SPATA22: variants seen among roughly 807,000 people sequenced by gnomAD.
The protein encoded by SPATA22 is spermatogenesis-associated protein 22.
A neutral mutation model predicts 47.8 loss-of-function variants in SPATA22; 29 were observed. The observed-to-expected ratio is 0.61, with a 90% confidence interval of 0.45 to 0.83. The LOEUF (loss-of-function observed/expected upper bound fraction) is 0.83. SPATA22 is among the 40% of genes least tolerant of loss of function. The pLI is 0.00. For missense variants in SPATA22, 410 were observed against 421.7 expected, an observed-to-expected ratio of 0.97 and a Z score of 0.24; for synonymous variants, 133 against 140.9, an observed-to-expected ratio of 0.94 and a Z score of 0.40.
rs2150748578 is a variant in SPATA22 at position 3,483,494 on chromosome 17, T to C, written c.-73-14096A>G. On this transcript the variant is annotated intron_variant, in intron 1 of 8. Coordinates refer to the SPATA22 transcript ENST00000541913. The stretch of plus-strand genomic sequence containing the variant: ...CCTAAGAAAGACGTTTTTGATTTTT[T>C]TCAGACTTCTCTGGCTCCACTACCC... 1.2e-6 allele frequency: 2 copies of C among 1,613,722 alleles called. No individual in the cohort carries two copies. Among genetic ancestry groups the C allele is most frequent in the Non-Finnish European group, 1.7e-6 (2 of 1,179,678 alleles).
intron 1 of SPATA22, among the ~76,000 whole-genome samples, chr17:3,487,505 C>T (rs980408941): frequency 6.6e-6 from 1 of 152,106 alleles, no homozygotes; most frequent in Non-Finnish European, 1.5e-5. Context: ...ATATCATAGC[C>T]TAAGATTGAT....
intron 1 of SPATA22, among the ~76,000 whole-genome samples, chr17:3,493,421 C>T (rs2073856621): frequency 6.6e-6 from 1 of 151,782 alleles, no homozygotes; most frequent in Non-Finnish European, 1.5e-5. Context: ...ATTAGCCGGG[C>T]GTGGTGGTGC....
Position 3,440,237 on chromosome 17 carries a change from C to T in SPATA22, c.1002G>A (p.Ala334=), listed in dbSNP as rs766054101. The part of the protein sequence containing the change: ...NIFQCVSVRP[A]SVSEQKTFQA... ...GGAAAGTTTTTTGTTCAGAAACAGA[C>T]GCCGGTCTGACAGAAACACATTGGA... The change falls in exon 9 of 9, where the codon GCG becomes GCA. Residue 334 remains alanine (A), a synonymous_variant. Transcript: ENST00000572969. The T allele has an allele frequency of 1.9e-5, 30 of 1,611,608 alleles. No homozygotes were observed. The highest frequency in any genetic ancestry group is 1.5e-4 in the African/African-American group (11 of 74,766).
intron 1 of SPATA22, chr17:3,494,372 C>A: frequency 6.2e-7 from 1 of 1,612,048 alleles, no homozygotes; most frequent in South Asian, 1.1e-5. Flanking sequence ...CTCCCTGCGC[C>A]ATTGAGGTCT....
intron 5 of SPATA22, among the ~76,000 whole-genome samples, chr17:3,461,715 C>G (rs1399645548): frequency 6.6e-6 from 1 of 152,052 alleles, no homozygotes; most frequent in East Asian, 1.9e-4. Flanking sequence ...AATACGATAT[C>G]TTTATATAAT....
rs759326435 is a variant in SPATA22 at position 3,449,046 on chromosome 17, A to C, written c.433T>G (p.Ser145Ala). The C allele has an allele frequency of 6.2e-7, 1 of 1,613,956 alleles. No homozygotes were observed. The highest frequency in any genetic ancestry group is 1.7e-5 in the Admixed American group (1 of 59,984). Residue 145 changes from serine to alanine, a missense_variant, in exon 6 of 9, where the codon TCT (serine) becomes GCT (alanine). By Grantham distance (99) the Ser-to-Ala change is moderately conservative (BLOSUM62 1). Transcript: ENST00000572969. ...TNLVANDGKN[S>A]CPVSSGAQQQ... ...TGAGCTCCCGAACTCACTGGACAAG[A>C]ATTTTTTCCATCATTTGCCACTAAG...
At chr17:3,449,808 C>T (rs1412560966) in intron 5 of SPATA22, among the ~76,000 whole-genome samples, 1 of 152,144 alleles carries the variant, frequency 6.6e-6, no homozygotes, top group African/African-American at 2.4e-5. Context: ...TCTGAGCAGC[C>T]TAGTTAGGAG....
intron 5 of SPATA22, among the ~76,000 whole-genome samples, chr17:3,457,703 GAGA>G (rs1324742740): frequency 6.6e-6 from 1 of 152,116 alleles, no homozygotes; most frequent in East Asian, 1.9e-4. Flanking sequence ...CAACAAAAGT[GAGA>G]AGAACACACA....
intron 1 of SPATA22, 118 bp downstream of exon 1, chr17:3,471,564 G>C: frequency 2.0e-6 from 2 of 985,348 alleles, no homozygotes; most frequent in Non-Finnish European, 2.4e-6. Flanking sequence ...TCAAATGGCG[G>C]CCTGTTTTGG....
intron 1 of SPATA22, among the ~76,000 whole-genome samples, chr17:3,470,018 G>C (rs1245848105): frequency 6.7e-6 from 1 of 148,218 alleles, no homozygotes; most frequent in African/African-American, 2.5e-5. Context: ...GCTTGAGCCC[G>C]AGAGGCCGAG....
upstream of SPATA22, among the ~76,000 whole-genome samples, chr17:3,473,445 G>A (rs1002465631): frequency 1.3e-5 from 2 of 152,148 alleles, no homozygotes; most frequent in African/African-American, 4.8e-5. Context: ...ATTTCTGGCA[G>A]GGATCTACTG....
upstream of SPATA22, chr17:3,472,295 G>C (rs946406289): frequency 6.6e-6 from 1 of 152,622 alleles, no homozygotes; most frequent in South Asian, 2.1e-4. Flanking sequence ...ATGGAAGGCG[G>C]AGAGCCGTCA....
At chr17:3,495,652 T>C (rs2073896618) in intron 1 of SPATA22, among the ~76,000 whole-genome samples, 1 of 152,170 alleles carries the variant, frequency 6.6e-6, no homozygotes, top group East Asian at 1.9e-4. Flanking sequence ...CACTGCAAGC[T>C]CCACCTCCCG....
intron 1 of SPATA22, among the ~76,000 whole-genome samples, chr17:3,503,932 A>G (rs1314005586): frequency 2.0e-5 from 3 of 152,262 alleles, no homozygotes; most frequent in Non-Finnish European, 4.4e-5. Flanking sequence ...AAATCACTGA[A>G]GTTCAAATTC....
intron 6 of SPATA22, among the ~76,000 whole-genome samples, chr17:3,446,940 G>T (rs992665426): frequency 2.0e-5 from 3 of 152,116 alleles, no homozygotes; most frequent in Non-Finnish European, 4.4e-5. Flanking sequence ...CACTCTAGGG[G>T]ACTCTAGGGA....
chr17:3,508,514 T>C (rs1490339797), intron 1 of SPATA22, among the ~76,000 whole-genome samples: 2 of 148,206 alleles, frequency 1.3e-5, no homozygotes, highest in African/African-American at 2.5e-5. Context: ...TGTCCAACAA[T>C]GATAGACTGG....
At chr17:3,498,039 A>G (rs1255907712) in intron 1 of SPATA22, among the ~76,000 whole-genome samples, 1 of 152,146 alleles carries the variant, frequency 6.6e-6, no homozygotes, top group Non-Finnish European at 1.5e-5. Flanking sequence ...GTAGGAGCAC[A>G]TTTGGAATAC....
At chr17:3,448,336 A>G (rs2072774435) in intron 6 of SPATA22, among the ~76,000 whole-genome samples, 1 of 152,218 alleles carries the variant, frequency 6.6e-6, no homozygotes, top group Non-Finnish European at 1.5e-5. Context: ...CCATTCATTT[A>G]TGTATTGCTT....
intron 5 of SPATA22, among the ~76,000 whole-genome samples, chr17:3,457,049 C>G (rs1218789891): frequency 6.6e-6 from 1 of 152,132 alleles, no homozygotes; most frequent in Non-Finnish European, 1.5e-5. Flanking sequence ...GGATGTATCT[C>G]AAAATAGTAA....
Sources: gnomAD v4.1 joint callset for allele counts (sites outside exome capture counted in the v4.1 genomes callset) on GRCh38, gnomAD v4.1.1 for gene constraint, MANE v1.5 for transcripts, NCBI Gene and HGNC (gene_info 2026-07-23, HGNC 2026-07-21) for gene names.